PHACTR3: variants seen among roughly 807,000 people sequenced by gnomAD.
PHACTR3 encodes protein phosphatase 1, regulatory subunit 123.
Under a neutral mutation model 66.8 loss-of-function variants are expected in PHACTR3, and 16 were observed. That is an observed-to-expected ratio of 0.24 (90% CI 0.16 to 0.36). The LOEUF is 0.36. PHACTR3 is among the 10% of genes least tolerant of loss of function. The pLI is 1.00. For missense variants in PHACTR3, 647 were observed against 719.9 expected (o/e 0.90, Z 1.16); for synonymous variants, 323 against 292.1 (o/e 1.11, Z -1.08).
chr20:59,693,114 A>G (rs148919282), intron 1 of PHACTR3, among the ~76,000 whole-genome samples: 1,542 of 152,204 alleles, frequency 0.01, 21 homozygotes, highest in Non-Finnish European at 0.01. Context: ...TTTATGTTGC[A>G]GTTGCCTCCA....
rs150129291 is a variant in PHACTR3, at chr20:59,672,519, T to C, written c.118+67387T>C. 8.7e-3 allele frequency among the ~76,000 whole-genome samples: 1,325 copies of C among 152,274 alleles called. 30 individuals are homozygous for C. Among genetic ancestry groups the C allele is most frequent in the East Asian group, 0.052 (269 of 5,172 alleles). On this transcript the variant is annotated intron_variant, in intron 1 of 12. Coordinates refer to ENST00000371015, the MANE Select transcript of PHACTR3 (RefSeq NM_080672.5). ...GCTGTGGAATCCACCTGTGTGACTA[T>C]GGGTGGGTCGTATGTCCTCCTGAGC... is the stretch of plus-strand genomic sequence containing the variant.
At chr20:59,583,900 G>A (rs1325656383) in intron 1 of PHACTR3, among the ~76,000 whole-genome samples, 2 of 152,212 alleles carry the variant, frequency 1.3e-5, no homozygotes, top group African/African-American at 4.8e-5. Context: ...AGCTACTTAG[G>A]TGCACCAGTC....
chr20:59,809,993 C>A (rs12624338), intron 8 of PHACTR3, among the ~76,000 whole-genome samples: 6,440 of 152,236 alleles, frequency 0.042, 548 homozygotes, highest in East Asian at 0.37. Context: ...CTGTTATTTG[C>A]GGTTGCCTTT....
intron 8 of PHACTR3, among the ~76,000 whole-genome samples, chr20:59,811,038 A>G (rs986179448): frequency 1.3e-5 from 2 of 152,172 alleles, no homozygotes; most frequent in Non-Finnish European, 2.9e-5. Flanking sequence ...TCTTTCATTT[A>G]TCTAGTCTTC....
intron 1 of PHACTR3, among the ~76,000 whole-genome samples, chr20:59,584,446 G>A (rs192498152): frequency 5.9e-5 from 9 of 152,168 alleles, no homozygotes; most frequent in South Asian, 2.1e-4. Flanking sequence ...GTGTGAAGCC[G>A]TGCAGGAGTG....
chr20:59,691,620 T>C (rs1438871079), intron 1 of PHACTR3, among the ~76,000 whole-genome samples: 2 of 152,174 alleles, frequency 1.3e-5, no homozygotes, highest in Admixed American at 6.5e-5. Context: ...TGCAGCTTTT[T>C]CTAGTTCTTC....
At chr20:59,616,919 G>A (rs921976124) in intron 1 of PHACTR3, among the ~76,000 whole-genome samples, 7 of 152,070 alleles carry the variant, frequency 4.6e-5, no homozygotes, top group East Asian at 1.9e-4. Flanking sequence ...AGCTCAGAGC[G>A]TTGCCTGCAC....
At chr20:59,835,521 A>G (rs1253421303) in intron 8 of PHACTR3, among the ~76,000 whole-genome samples, 1 of 152,154 alleles carries the variant, frequency 6.6e-6, no homozygotes, top group Non-Finnish European at 1.5e-5. Flanking sequence ...ATGGCCCTAA[A>G]TTCTAGGCAT....
chr20:59,794,139 A>AAT (rs1206643149), intron 7 of PHACTR3, among the ~76,000 whole-genome samples: 1 of 151,524 alleles, frequency 6.6e-6, no homozygotes, highest in Admixed American at 6.6e-5. Flanking sequence ...AAAAAAAAAA[A>AAT]AAAAGAGTGG....
intron 8 of PHACTR3, among the ~76,000 whole-genome samples, chr20:59,818,130 A>G (rs558024984): frequency 1.9e-4 from 29 of 152,230 alleles, no homozygotes; most frequent in African/African-American, 6.3e-4. Context: ...CCCTTGCTCT[A>G]AGGAAGCCGC....
At chr20:59,799,389 T>C (rs1283174259) in intron 7 of PHACTR3, among the ~76,000 whole-genome samples, 1 of 152,160 alleles carries the variant, frequency 6.6e-6, no homozygotes, top group Non-Finnish European at 1.5e-5. Context: ...CTCCAAGAAA[T>C]GATGTGTGGA....
At chr20:59,747,332 C>T (rs1389909598) in intron 2 of PHACTR3, among the ~76,000 whole-genome samples, 5 of 152,176 alleles carry the variant, frequency 3.3e-5, no homozygotes, top group African/African-American at 1.2e-4. Context: ...TAAGAGCGGC[C>T]AGGAGGCACT....
chr20:59,645,586 C>T (rs2035255311), intron 1 of PHACTR3, among the ~76,000 whole-genome samples: 2 of 152,156 alleles, frequency 1.3e-5, no homozygotes, highest in Non-Finnish European at 2.9e-5. Context: ...TGCTCATCAC[C>T]ATCTGGACAT....
chr20:59,773,366 A>C lies in PHACTR3; in HGVS notation c.839A>C (p.His280Pro), dbSNP rs759273892. ...CTCTCCACACCCACGGGGTCTCCGC[A>C]TCTCACCACGGTCCACCGGCCTCTT... ...GQLSTPTGSP[H>P]LTTVHRPLPP... Residue 280 changes from histidine (H) to proline (P), a missense_variant, in exon 6 of 13, where the codon CAT becomes CCT. Around this residue, in one of 2 missense-constraint regions of PHACTR3, gnomAD observed 577 missense variants for 571.1 expected, o/e 1.01. Coordinates refer to ENST00000371015, the MANE Select transcript of PHACTR3 (RefSeq NM_080672.5). 10 of 1,613,938 alleles carry C rather than the reference A, an allele frequency of 6.2e-6. No homozygotes were observed. The Admixed American group carries it at 1.7e-4, about 27-fold the overall frequency.
At chr20:59,581,807 G>A (rs2032867735) in intron 1 of PHACTR3, among the ~76,000 whole-genome samples, 1 of 151,920 alleles carries the variant, frequency 6.6e-6, no homozygotes, top group African/African-American at 2.4e-5. Context: ...CGTGAACCCG[G>A]TAGGCGGAGC....
chr20:59,676,692 AG>A (rs1183470819), intron 1 of PHACTR3: 181 of 985,164 alleles, frequency 1.8e-4, no homozygotes, highest in Non-Finnish European at 2.1e-4. Context: ...GAAAGACTCC[AG>A]AAGCCCGCGG....
chr20:59,671,025 C>T (rs910418865), intron 1 of PHACTR3, among the ~76,000 whole-genome samples: 2 of 152,190 alleles, frequency 1.3e-5, no homozygotes, highest in African/African-American at 2.4e-5. Flanking sequence ...GGCTGCCCCA[C>T]CCCCTCCACA....
chr20:59,593,678 G>A (rs747516529), intron 1 of PHACTR3, among the ~76,000 whole-genome samples: 3 of 152,146 alleles, frequency 2.0e-5, no homozygotes, highest in Non-Finnish European at 4.4e-5. Flanking sequence ...TTTTTGTGAA[G>A]GGTGTAAGGC....
upstream of PHACTR3, chr20:59,604,453 C>T (rs568423099): frequency 8.1e-4 from 222 of 273,734 alleles, no homozygotes; most frequent in African/African-American, 3.8e-3. Context: ...CCTTCTCACG[C>T]CCCTCTCCCG....
Sources: allele counts gnomAD v4.1 joint callset (sites outside exome capture counted in the v4.1 genomes callset), GRCh38; gene constraint gnomAD v4.1.1; regional missense constraint gnomAD v4.1.1; transcripts MANE v1.5; gene names NCBI Gene and HGNC (gene_info 2026-07-23, HGNC 2026-07-21).